USP38: variants seen among roughly 807,000 people sequenced by gnomAD.
USP38 encodes the protein ubiquitin specific peptidase 38.
USP38 carries 49 observed loss-of-function variants against 94.3 expected under a neutral mutation model. The ratio of observed to expected loss-of-function variants is 0.52; its 90% CI spans 0.41 to 0.66. The LOEUF (loss-of-function observed/expected upper bound fraction) is 0.66. Among genes scored for constraint, USP38 ranks in the 30% least tolerant of loss-of-function variants. The probability of loss-of-function intolerance (pLI) is 0.00; values close to 1 mark genes in which losing one functional copy is unlikely to be tolerated. For missense variants in USP38, 1,128 were observed against 1,229.4 expected (o/e 0.92, Z 1.23); for synonymous variants, 468 against 463.6 (o/e 1.01, Z -0.12).
chr4:143,207,161 A>G (rs1456157714), intron 6 of USP38, among the ~76,000 whole-genome samples: 4 of 152,240 alleles, frequency 2.6e-5, no homozygotes, highest in Non-Finnish European at 5.9e-5. Flanking sequence ...TAAGCTATTC[A>G]TGGAACTTGC....
At chr4:143,210,378 G>C (rs1477597268) in intron 7 of USP38, among the ~76,000 whole-genome samples, 1 of 152,078 alleles carries the variant, frequency 6.6e-6, no homozygotes, top group Non-Finnish European at 1.5e-5. Flanking sequence ...CTTGAGGTCA[G>C]GAGTTTGAGA....
chr4:143,190,591 A>G lies in USP38; in HGVS notation c.818+2630A>G, dbSNP rs558093420. ...ACTTAAATTGACAATAATTCTAGAT[A>G]TCTGGTCACAAACCTATAAGCAATT... On this transcript the variant is annotated intron_variant, in intron 2 of 9. Coordinates refer to ENST00000307017, the MANE Select transcript of USP38 (RefSeq NM_032557.6). Among the ~76,000 whole-genome samples the G allele has an allele frequency of 5.9e-5, 9 of 152,220 alleles. No individual in the cohort carries two copies. The East Asian group carries it at 1.7e-3, about 29-fold the overall frequency.
Position 143,185,427 on chromosome 4 carries a change from C to A in USP38, c.-24C>A. On this transcript the variant is annotated 5_prime_UTR_variant, in exon 1 of 10. Coordinates refer to ENST00000307017, the MANE Select transcript of USP38 (RefSeq NM_032557.6). Reference sequence around the variant, plus strand: ...CCGCCACCCGCTCCTTATCCCCTGGCCCTGGCCTTGCAGCGTGGCGACAAT... The same window carrying A: ...CCGCCACCCGCTCCTTATCCCCTGGACCTGGCCTTGCAGCGTGGCGACAAT... 1 of 1,557,472 alleles carries A rather than the reference C, an allele frequency of 6.4e-7. No homozygotes were observed.
intron 7 of USP38, among the ~76,000 whole-genome samples, chr4:143,211,146 A>G (rs1732013385): frequency 6.6e-6 from 1 of 152,070 alleles, no homozygotes; most frequent in South Asian, 2.1e-4. Flanking sequence ...AGGAAAAAAA[A>G]TCTTAGGGGA....
chr4:143,194,598 C>T (rs1280028670), intron 2 of USP38, among the ~76,000 whole-genome samples: 1 of 152,118 alleles, frequency 6.6e-6, no homozygotes, highest in African/African-American at 2.4e-5. Flanking sequence ...ACCTCCGCCT[C>T]CCAGGTTCAA....
intron 2 of USP38, among the ~76,000 whole-genome samples, chr4:143,192,598 G>A: frequency 7.6e-6 from 1 of 131,350 alleles, no homozygotes; most frequent in Non-Finnish European, 1.6e-5. Flanking sequence ...CAGATTTGGT[G>A]TCTGGTGAGG....
Position 143,214,463 on chromosome 4 carries a change from T to G in USP38, c.2487T>G (p.Thr829=). ...CTAAAAAATTAAAGCCTTCAGGGAC[T>G]GATGAAGCTTCCTGCACAAAATTGG... is the stretch of plus-strand genomic sequence containing the variant. The part of the protein sequence containing the change: ...NLAKKLKPSG[T]DEASCTKLVP... Residue 829 remains threonine (T), a synonymous_variant, in exon 9 of 10, where the codon ACT becomes ACG. Transcript: ENST00000307017. 1.2e-6 allele frequency: 2 copies of G among 1,613,620 alleles called. No homozygotes were observed. The highest frequency in any genetic ancestry group is 1.3e-5 in the African/African-American group (1 of 75,032).
In USP38 at chr4:143,214,893, C is replaced by T; in HGVS notation, c.2917C>T (p.Gln973Ter). ...GLWINGDPPL[Q>*]KELMDAITKD... ...CTGGATAAATGGAGACCCACCTCTA[C>T]AGAAAGAACTTATGGATGCTATAAC... The change falls in exon 9 of 10, where the codon CAG becomes TAG. Residue 973 changes from glutamine to a stop codon, truncating the protein, a stop_gained. Coordinates refer to ENST00000307017, the MANE Select transcript of USP38 (RefSeq NM_032557.6). LOFTEE classifies it high-confidence loss of function. 2 of 1,613,316 alleles carry T rather than the reference C, an allele frequency of 1.2e-6. No homozygotes were observed. Among genetic ancestry groups the T allele is most frequent in the Non-Finnish European group, 1.7e-6 (2 of 1,179,610 alleles).
At chr4:143,197,518 A>G (rs1160560200) in intron 3 of USP38, among the ~76,000 whole-genome samples, 1 of 152,214 alleles carries the variant, frequency 6.6e-6, no homozygotes, top group Non-Finnish European at 1.5e-5. Flanking sequence ...TGCTTAACAA[A>G]TATTTGTTGA....
chr4:143,186,016 G>A lies in USP38; in HGVS notation c.566G>A (p.Arg189Gln), dbSNP rs1731212435. The change falls in exon 1 of 10, where the codon CGG (arginine) becomes CAG (glutamine). Residue 189 changes from arginine (R) to glutamine (Q), a missense_variant. Physicochemically the swap from Arg to Gln is conservative, Grantham distance 43 (BLOSUM62 1). Coordinates refer to ENST00000307017, the MANE Select transcript of USP38 (RefSeq NM_032557.6). ...QCVSTQEREL[R>Q]EYVSQVTKVS... ...GTGTCCACCCAGGAAAGAGAGCTGC[G>A]GGAATATGTCTCCCAGGTGACAAAA... is the stretch of plus-strand genomic sequence containing the variant. 6.8e-6 allele frequency: 11 copies of A among 1,614,176 alleles called. No homozygotes were observed. Among genetic ancestry groups the A allele is most frequent in the South Asian group, 1.1e-5 (1 of 91,080 alleles).
In USP38 at chr4:143,220,966, A is replaced by G. The variant is rs921037032; in HGVS notation, c.*510A>G. 6.6e-6 allele frequency: 1 copy of G among 152,400 alleles called. No individual in the cohort carries two copies. The highest frequency in any genetic ancestry group is 6.6e-5 in the Admixed American group (1 of 15,252). The allele number at this position is 152,400 out of a possible 1,614,324, so 9.4% of individuals were successfully genotyped here. A position where few individuals can be genotyped will look rare whatever the true frequency, so the allele number is the denominator to read the frequency against. On this transcript the variant is annotated 3_prime_UTR_variant, in exon 10 of 10. Coordinates refer to ENST00000307017, the MANE Select transcript of USP38 (RefSeq NM_032557.6). ...GAAGGCAATAACAAAATTTATCAAG[A>G]TATAGTACTTTTCAGTTTTTGTTTA... is the stretch of plus-strand genomic sequence containing the variant.
intron 4 of USP38, among the ~76,000 whole-genome samples, chr4:143,198,148 T>C (rs1338956600): frequency 6.6e-6 from 1 of 152,132 alleles, no homozygotes; most frequent in Non-Finnish European, 1.5e-5. Context: ...CTACCAGCAG[T>C]TGAGAGTTAC....
intron 9 of USP38, among the ~76,000 whole-genome samples, chr4:143,216,340 T>C (rs1272341226): frequency 6.6e-6 from 1 of 152,168 alleles, no homozygotes; most frequent in Admixed American, 6.6e-5. Flanking sequence ...AAGTTTCATA[T>C]TGACAAGTTG....
Position 143,195,829 on chromosome 4 carries a change from T to C in USP38, c.932T>C (p.Leu311Ser). ...TTTACTATTTTGATAGATGTTACTT[T>C]GCTGAAAATAGAACTGGTAAGTGGG... ...QKFTILIDVT[L>S]LKIELVFNRL... The change falls in exon 3 of 10, where the codon TTG becomes TCG. Residue 311 changes from leucine to serine, a missense_variant. Physicochemically the swap from Leu to Ser is moderately radical, Grantham distance 145. Coordinates refer to ENST00000307017, the MANE Select transcript of USP38 (RefSeq NM_032557.6). 6.2e-7 allele frequency: 1 copy of C among 1,612,338 alleles called. No homozygotes were observed. Among genetic ancestry groups the C allele is most frequent in the Non-Finnish European group, 8.5e-7 (1 of 1,179,296 alleles).
intron 2 of USP38, among the ~76,000 whole-genome samples, chr4:143,189,442 G>A (rs934410398): frequency 6.6e-6 from 1 of 151,904 alleles, no homozygotes; most frequent in Non-Finnish European, 1.5e-5. Context: ...CTGTGCCCCT[G>A]TTATAAAATT....
intron 4 of USP38, among the ~76,000 whole-genome samples, chr4:143,199,495 A>G (rs1342003843): frequency 6.6e-6 from 1 of 152,178 alleles, no homozygotes; most frequent in Non-Finnish European, 1.5e-5. Flanking sequence ...CTCTTGGTGT[A>G]TACCCCATAA....
intron 4 of USP38, among the ~76,000 whole-genome samples, chr4:143,200,626 C>A (rs1377789993): frequency 6.6e-6 from 1 of 152,118 alleles, no homozygotes; most frequent in East Asian, 1.9e-4. Context: ...ATCTAGAAAA[C>A]CCCATAGTCT....
At chr4:143,200,401 CTG>C (rs1409780961) in intron 4 of USP38, among the ~76,000 whole-genome samples, 1 of 152,144 alleles carries the variant, frequency 6.6e-6, no homozygotes, top group Admixed American at 6.6e-5. Context: ...TAAGAGGCAT[CTG>C]TGACAAACCC....
intron 4 of USP38, among the ~76,000 whole-genome samples, chr4:143,200,765 A>G (rs1731691000): frequency 6.6e-6 from 1 of 152,144 alleles, no homozygotes; most frequent in Non-Finnish European, 1.5e-5. Context: ...CAGGAAGGCG[A>G]TCCCATTCAC....
Sources: allele counts gnomAD v4.1 joint callset (sites outside exome capture counted in the v4.1 genomes callset), GRCh38; gene constraint gnomAD v4.1.1; transcripts MANE v1.5; gene names NCBI Gene and HGNC (gene_info 2026-07-23, HGNC 2026-07-21).